SKAP1: variants seen among roughly 807,000 people sequenced by gnomAD.
SKAP1 encodes src kinase associated phosphoprotein 1.
SKAP1 carries 44 observed loss-of-function variants against 58.5 expected under a neutral mutation model. That is an observed-to-expected ratio of 0.75 (90% CI 0.59 to 0.97). SKAP1 has a LOEUF of 0.97. Ranked by LOEUF, SKAP1 falls within the 50% of genes least tolerant of loss-of-function variation. SKAP1 has a pLI of 0.00. For missense variants in SKAP1, 390 were observed against 435.2 expected (o/e 0.90, Z 0.92); for synonymous variants, 127 against 149.7 (o/e 0.85, Z 1.11).
chr17:48,157,915 C>T (rs561216324), intron 11 of SKAP1, among the ~76,000 whole-genome samples: 29 of 151,098 alleles, frequency 1.9e-4, no homozygotes, highest in Non-Finnish European at 4.1e-4. Context: ...TGGTGGCTCA[C>T]ACCTGTAATC....
At chr17:48,199,063 G>A (rs2064688519) in intron 4 of SKAP1, among the ~76,000 whole-genome samples, 1 of 152,172 alleles carries the variant, frequency 6.6e-6, no homozygotes, top group Non-Finnish European at 1.5e-5. Context: ...ATGACGAAAT[G>A]TCATTTTCAG....
At chr17:48,155,223 G>A (rs1354756218) in intron 11 of SKAP1, among the ~76,000 whole-genome samples, 2 of 151,478 alleles carry the variant, frequency 1.3e-5, no homozygotes, top group Non-Finnish European at 2.9e-5. Context: ...TGCCTCCCGG[G>A]TTCAAGCGAG....
chr17:48,306,918 C>T (rs1281297674), intron 4 of SKAP1, among the ~76,000 whole-genome samples: 2 of 152,206 alleles, frequency 1.3e-5, no homozygotes, highest in Non-Finnish European at 2.9e-5. Context: ...TTCCATGACA[C>T]TGGAAAATAT....
At chr17:48,192,378 T>C (rs576276448) in intron 4 of SKAP1, among the ~76,000 whole-genome samples, 32 of 152,082 alleles carry the variant, frequency 2.1e-4, no homozygotes, top group Non-Finnish European at 4.1e-4. Flanking sequence ...ATAAAAGACA[T>C]GTTAAACGTT....
At chr17:48,340,438 A>T (rs191467948) in intron 4 of SKAP1, among the ~76,000 whole-genome samples, 1 of 152,224 alleles carries the variant, frequency 6.6e-6, no homozygotes, top group Admixed American at 6.5e-5. Flanking sequence ...GAGAAAAGAA[A>T]ATCTAGGAAT....
intron 4 of SKAP1, among the ~76,000 whole-genome samples, chr17:48,319,185 A>T (rs1390431039): frequency 6.6e-6 from 1 of 152,206 alleles, no homozygotes; most frequent in Non-Finnish European, 1.5e-5. Context: ...TTAAAGGTAC[A>T]TTGCAGAAGC....
intron 9 of SKAP1, among the ~76,000 whole-genome samples, chr17:48,171,059 T>TA (rs2064205167): frequency 6.6e-6 from 1 of 150,670 alleles, no homozygotes; most frequent in South Asian, 2.1e-4. Flanking sequence ...GAGCTCATCA[T>TA]ACTCTCTTCT....
At chr17:48,402,031 T>A (rs1467512137) in intron 1 of SKAP1, among the ~76,000 whole-genome samples, 3 of 152,170 alleles carry the variant, frequency 2.0e-5, no homozygotes, top group African/African-American at 7.2e-5. Flanking sequence ...AGATGTTCAA[T>A]ATCACTAGCC....
At chr17:48,205,664 G>T (rs916998789) in intron 4 of SKAP1, among the ~76,000 whole-genome samples, 1 of 152,048 alleles carries the variant, frequency 6.6e-6, no homozygotes, top group Non-Finnish European at 1.5e-5. Context: ...TCTGAATCAG[G>T]GGGGAGAAAC....
At chr17:48,138,351 C>T (rs1342499284) in intron 11 of SKAP1, among the ~76,000 whole-genome samples, 3 of 150,176 alleles carry the variant, frequency 2.0e-5, no homozygotes, top group Non-Finnish European at 4.4e-5. Context: ...ATTACAGGTG[C>T]GTGCCATCAC....
At chr17:48,444,989 T>C in the SKAP1 span, among the ~76,000 whole-genome samples, 1 of 152,070 alleles carries the variant, frequency 6.6e-6, no homozygotes, top group Non-Finnish European at 1.5e-5. Context: ...AACGAGGGTG[T>C]TTCTGAGCTG....
intron 4 of SKAP1, among the ~76,000 whole-genome samples, chr17:48,219,881 C>T (rs2064981696): frequency 6.6e-6 from 1 of 152,172 alleles, no homozygotes; most frequent in Non-Finnish European, 1.5e-5. Flanking sequence ...CCACTTTGTT[C>T]CTCACAGAGG....
Position 48,220,961 on chromosome 17 carries a change from G to A in SKAP1, c.281-31461C>T, listed in dbSNP as rs192256186. Among the ~76,000 whole-genome samples the A allele has an allele frequency of 3.3e-5, 5 of 150,966 alleles. No individual in the cohort carries two copies. The East Asian group carries it at 5.8e-4, about 18-fold the overall frequency. ...ATGTGGGTAGGGCTTACATAAGTGT[G>A]TTCACTTTGTTAAAAAAAATCACCA... is the stretch of plus-strand genomic sequence containing the variant. On this transcript the variant is annotated intron_variant, in intron 4 of 12. Coordinates refer to ENST00000336915, the MANE Select transcript of SKAP1 (RefSeq NM_003726.4).
chr17:48,186,237 G>A (rs1482667120), intron 6 of SKAP1, among the ~76,000 whole-genome samples: 1 of 152,096 alleles, frequency 6.6e-6, no homozygotes, highest in East Asian at 1.9e-4. Flanking sequence ...GAGTGGGCTG[G>A]GGGTTGGAAG....
At chr17:48,396,928 A>T (rs566415156) in intron 1 of SKAP1, 143 bp from the exon 2 acceptor site, 132 of 147,306 alleles carry the variant, frequency 9.0e-4, no homozygotes, top group African/African-American at 7.3e-3. Context: ...AAAGTATAAT[A>T]AAAAAAAAAA....
chr17:48,209,028 A>G (rs771699670), intron 4 of SKAP1, among the ~76,000 whole-genome samples: 1 of 152,190 alleles, frequency 6.6e-6, no homozygotes, highest in Non-Finnish European at 1.5e-5. Flanking sequence ...CTACCTCTAT[A>G]ATATGAGTAA....
chr17:48,258,746 T>TA (rs1286788977), intron 4 of SKAP1, among the ~76,000 whole-genome samples: 1 of 152,022 alleles, frequency 6.6e-6, no homozygotes, highest in Non-Finnish European at 1.5e-5. Flanking sequence ...TCACTGAACA[T>TA]AAAAAACCAT....
chr17:48,354,456 T>C (rs933204049), intron 3 of SKAP1, among the ~76,000 whole-genome samples: 4 of 152,214 alleles, frequency 2.6e-5, no homozygotes, highest in African/African-American at 9.7e-5. Context: ...ACTTTTTAAG[T>C]TTAGGAAAAT....
At chr17:48,249,525 T>C (rs1351829907) in intron 4 of SKAP1, among the ~76,000 whole-genome samples, 1 of 151,852 alleles carries the variant, frequency 6.6e-6, no homozygotes, top group Non-Finnish European at 1.5e-5. Context: ...ATACAAAAAA[T>C]TAGCTGGGCC....
Sources: gnomAD v4.1 joint callset for allele counts (sites outside exome capture counted in the v4.1 genomes callset) on GRCh38, gnomAD v4.1.1 for gene constraint, MANE v1.5 for transcripts, NCBI Gene and HGNC (gene_info 2026-07-23, HGNC 2026-07-21) for gene names.